Variants in PLPPR5 observed in about 807,000 individuals in gnomAD.
PLPPR5 encodes the protein phospholipid phosphatase-related protein type 5.
PLPPR5 carries 16 observed loss-of-function variants against 33.9 expected under a neutral mutation model. The ratio of observed to expected loss-of-function variants is 0.47; its 90% CI spans 0.32 to 0.72. The LOEUF (loss-of-function observed/expected upper bound fraction) is 0.72, where lower values mean the gene tolerates loss of function less well. PLPPR5 is among the 30% of genes least tolerant of loss of function. The pLI is 0.03. For missense variants in PLPPR5, 301 were observed against 406.7 expected (o/e 0.74, Z 2.23); for synonymous variants, 163 against 150.3 (o/e 1.08, Z -0.62).
chr1:98,899,519 T>G (rs1648606788), intron 5 of PLPPR5, among the ~76,000 whole-genome samples: 1 of 152,184 alleles, frequency 6.6e-6, no homozygotes, highest in Non-Finnish European at 1.5e-5. Flanking sequence ...AAAAAATCAG[T>G]TAACTGGAAT....
intron 1 of PLPPR5, among the ~76,000 whole-genome samples, chr1:98,985,784 A>G (rs1652239656): frequency 6.6e-6 from 1 of 152,082 alleles, no homozygotes; most frequent in African/African-American, 2.4e-5. Flanking sequence ...TAGGAACAAC[A>G]GATTATTCCA....
intron 1 of PLPPR5, chr1:98,991,026 T>G (rs1198957550): frequency 6.6e-6 from 1 of 152,132 alleles, no homozygotes; most frequent in African/African-American, 2.4e-5. Flanking sequence ...CCAAAATATG[T>G]GTGTATGTAA....
chr1:98,977,364 T>C (rs965753051), intron 1 of PLPPR5, among the ~76,000 whole-genome samples: 2 of 151,842 alleles, frequency 1.3e-5, no homozygotes, highest in Admixed American at 6.6e-5. Flanking sequence ...TATTCTGTAA[T>C]AACTAAAACA....
chr1:98,959,646 T>C (rs778666517), intron 1 of PLPPR5, among the ~76,000 whole-genome samples: 1 of 152,146 alleles, frequency 6.6e-6, no homozygotes, highest in Non-Finnish European at 1.5e-5. Flanking sequence ...ATTCCGAGCA[T>C]ACATGATTTC....
In PLPPR5 at chr1:98,920,593, C is replaced by CAAAAAAAA. The variant is rs763477562; in HGVS notation, c.798+1281_798+1288dup. ...TGGGAATCACAGAGAGTGGTATCAC[C>CAAAAAAAA]AAAAAAAAAAAAAAAAGCAGCACAG... On this transcript the variant is annotated intron_variant, in intron 4 of 5. Transcript: ENST00000263177. Among the ~76,000 whole-genome samples, 74 of 68,998 alleles carry CAAAAAAAA rather than the reference C, an allele frequency of 1.1e-3. 13 individuals carry two copies. The highest frequency in any genetic ancestry group is 2.2e-3 in the African/African-American group (47 of 21,112). The allele number at this position is 68,998 out of a possible 152,430, so 45.3% of individuals were successfully genotyped here.
intron 1 of PLPPR5, among the ~76,000 whole-genome samples, chr1:98,990,128 G>A (rs1481997492): frequency 6.6e-6 from 1 of 152,036 alleles, no homozygotes; most frequent in Non-Finnish European, 1.5e-5. Context: ...CAGCACTTTG[G>A]GAGGCCAAGG....
intron 5 of PLPPR5, among the ~76,000 whole-genome samples, chr1:98,899,284 G>A (rs1349612713): frequency 6.6e-6 from 1 of 152,170 alleles, no homozygotes; most frequent in African/African-American, 2.4e-5. Flanking sequence ...TGTAGTACAA[G>A]TCCTGGGGCC....
At chr1:98,950,742 T>G (rs1420403243) in intron 3 of PLPPR5, among the ~76,000 whole-genome samples, 2 of 152,176 alleles carry the variant, frequency 1.3e-5, no homozygotes, top group Non-Finnish European at 2.9e-5. Flanking sequence ...GAAGTGTAGT[T>G]GAGTGATCAT....
chr1:98,990,513 A>G (rs956642349), intron 1 of PLPPR5, among the ~76,000 whole-genome samples: 1 of 152,084 alleles, frequency 6.6e-6, no homozygotes, highest in Non-Finnish European at 1.5e-5. Flanking sequence ...TAGTAATTAC[A>G]GAGGCAAAAT....
chr1:98,952,398 T>G (rs1189288920), intron 3 of PLPPR5, among the ~76,000 whole-genome samples: 1 of 152,118 alleles, frequency 6.6e-6, no homozygotes, highest in Non-Finnish European at 1.5e-5. Flanking sequence ...GGTACCATTG[T>G]TGGGGACAAG....
chr1:98,916,676 G>A (rs1649365426), intron 4 of PLPPR5, among the ~76,000 whole-genome samples: 1 of 152,184 alleles, frequency 6.6e-6, no homozygotes, highest in South Asian at 2.1e-4. Flanking sequence ...GCAGTTGGCT[G>A]ACTGACCACT....
intron 3 of PLPPR5, among the ~76,000 whole-genome samples, chr1:98,945,498 G>A (rs1650516845): frequency 6.6e-6 from 1 of 152,172 alleles, no homozygotes; most frequent in Admixed American, 6.5e-5. Context: ...CTTCCAGGAG[G>A]TAGTGTGATG....
chr1:98,938,635 C>T (rs577162963), intron 3 of PLPPR5, among the ~76,000 whole-genome samples: 4 of 151,558 alleles, frequency 2.6e-5, no homozygotes, highest in South Asian at 2.1e-4. Context: ...TGTACCACTA[C>T]TCACAATAGC....
intron 1 of PLPPR5, among the ~76,000 whole-genome samples, chr1:98,983,168 T>C (rs1314950545): frequency 6.6e-6 from 1 of 151,384 alleles, no homozygotes; most frequent in African/African-American, 2.4e-5. Context: ...ACATGTGCCA[T>C]GCTGGTGCGC....
chr1:98,929,234 TG>T (rs1286429217), intron 3 of PLPPR5, among the ~76,000 whole-genome samples: 2 of 152,182 alleles, frequency 1.3e-5, no homozygotes, highest in African/African-American at 2.4e-5. Flanking sequence ...ACATAAGAAG[TG>T]TAAGTTTCAT....
At chr1:98,925,258 AAAT>A (rs1228956322) in intron 3 of PLPPR5, among the ~76,000 whole-genome samples, 1 of 152,210 alleles carries the variant, frequency 6.6e-6, no homozygotes, top group Non-Finnish European at 1.5e-5. Flanking sequence ...AATGTAGCTA[AAAT>A]AAAATACAAA....
chr1:98,933,960 G>T (rs560744793), intron 3 of PLPPR5, among the ~76,000 whole-genome samples: 105 of 152,328 alleles, frequency 6.9e-4, no homozygotes, highest in African/African-American at 2.4e-3. Flanking sequence ...AGGAGAGGGG[G>T]TAGTGTCCTA....
At chr1:98,962,082 C>T (rs1329469) in intron 1 of PLPPR5, among the ~76,000 whole-genome samples, 10,651 of 152,216 alleles carry the variant, frequency 0.07, 511 homozygotes, top group Non-Finnish European at 0.096. Context: ...TCAATTAATC[C>T]ATTCAATTTC....
At chr1:98,979,386 T>C (rs1406811995) in intron 1 of PLPPR5, among the ~76,000 whole-genome samples, 1 of 152,084 alleles carries the variant, frequency 6.6e-6, no homozygotes, top group Non-Finnish European at 1.5e-5. Context: ...TCTAAATGAC[T>C]GCAATATCCA....
Sources: gnomAD v4.1 joint callset for allele counts (sites outside exome capture counted in the v4.1 genomes callset) on GRCh38, gnomAD v4.1.1 for gene constraint, MANE v1.5 for transcripts, NCBI Gene and HGNC (gene_info 2026-07-23, HGNC 2026-07-21) for gene names.